Variants in FSTL5 observed in about 807,000 individuals in gnomAD.
FSTL5 encodes follistatin like 5, also known as follistatin-related protein 5.
Under a neutral mutation model 89.1 loss-of-function variants are expected in FSTL5, and 62 were observed. That is an observed-to-expected ratio of 0.70 (90% confidence interval 0.57 to 0.86). The LOEUF (loss-of-function observed/expected upper bound fraction) is 0.86. Among genes scored for constraint, FSTL5 ranks in the 40% least tolerant of loss-of-function variants. The pLI, the probability that FSTL5 is intolerant of heterozygous loss-of-function variation, is 0.00. For missense variants in FSTL5, 1,057 were observed against 1,001.6 expected (o/e 1.06, Z -0.75); for synonymous variants, 383 against 346.2 (o/e 1.11, Z -1.18).
At chr4:161,618,853 T>C (rs1734995233) in intron 7 of FSTL5, among the ~76,000 whole-genome samples, 2 of 152,184 alleles carry the variant, frequency 1.3e-5, no homozygotes, top group African/African-American at 4.8e-5. Flanking sequence ...AAAGTTCATA[T>C]GACACCAAAA....
chr4:161,504,562 G>C (rs754348538), intron 11 of FSTL5, among the ~76,000 whole-genome samples: 1 of 151,510 alleles, frequency 6.6e-6, no homozygotes. Flanking sequence ...ATCTAACAGA[G>C]TATAGTGACT....
At chr4:161,589,057 T>A (rs1264206215) in intron 7 of FSTL5, among the ~76,000 whole-genome samples, 1 of 151,628 alleles carries the variant, frequency 6.6e-6, no homozygotes, top group African/African-American at 2.4e-5. Flanking sequence ...GACATGATCT[T>A]GGCTCACTGC....
rs188564610 is a variant in FSTL5 at position 162,013,953 on chromosome 4, A to C, written c.160+19672T>G. On this transcript the variant is annotated intron_variant, in intron 3 of 15. Transcript: ENST00000306100. ...TGGATTTAAGCAAACTAAGAGCCTC[A>C]TGGATCTCAGAAGCCAAAATGCACT... Among the ~76,000 whole-genome samples the C allele has an allele frequency of 7.9e-4, 120 of 152,296 alleles. 1 individual carries two copies. The highest frequency in any genetic ancestry group is 2.8e-3 in the African/African-American group (118 of 41,576).
chr4:162,143,012 T>G (rs1281184051), intron 1 of FSTL5, among the ~76,000 whole-genome samples: 1 of 152,190 alleles, frequency 6.6e-6, no homozygotes, highest in Non-Finnish European at 1.5e-5. Context: ...AACTACTTCG[T>G]TCTTGGGATA....
intron 3 of FSTL5, among the ~76,000 whole-genome samples, chr4:162,027,056 C>T (rs1737322105): frequency 6.6e-6 from 1 of 152,066 alleles, no homozygotes; most frequent in South Asian, 2.1e-4. Flanking sequence ...TGAATTGAGC[C>T]CTTCTTAGAA....
At chr4:162,123,267 C>T (rs866667666) in intron 1 of FSTL5, among the ~76,000 whole-genome samples, 2 of 152,054 alleles carry the variant, frequency 1.3e-5, no homozygotes, top group South Asian at 2.1e-4. Flanking sequence ...TGAAATGCCA[C>T]GGGGAAAACT....
At chr4:161,599,304 T>A (rs943182596) in intron 7 of FSTL5, among the ~76,000 whole-genome samples, 2 of 152,174 alleles carry the variant, frequency 1.3e-5, no homozygotes, top group African/African-American at 4.8e-5. Context: ...TCCCAAGTGC[T>A]GACTGACATG....
intron 2 of FSTL5, among the ~76,000 whole-genome samples, chr4:162,050,411 T>C (rs1334486580): frequency 6.6e-6 from 1 of 151,114 alleles, no homozygotes; most frequent in Non-Finnish European, 1.5e-5. Context: ...ATAATATAAA[T>C]ATTCTTAGGA....
intron 6 of FSTL5, among the ~76,000 whole-genome samples, chr4:161,744,233 C>T (rs1740118761): frequency 6.6e-6 from 1 of 151,996 alleles, no homozygotes; most frequent in Non-Finnish European, 1.5e-5. Context: ...TTCTCTGAGG[C>T]TCCCGTCCAG....
chr4:161,713,079 A>C (rs771261275), intron 6 of FSTL5, among the ~76,000 whole-genome samples: 2 of 152,182 alleles, frequency 1.3e-5, no homozygotes, highest in African/African-American at 2.4e-5. Flanking sequence ...AGACAAAGTA[A>C]GTGTTCAGAG....
chr4:161,491,087 T>G (rs972577825), intron 12 of FSTL5, among the ~76,000 whole-genome samples: 3 of 151,910 alleles, frequency 2.0e-5, no homozygotes, highest in East Asian at 1.9e-4. Context: ...TATAAAATAT[T>G]ACATTTCATC....
At chr4:162,093,003 T>C (rs1730610275) in intron 2 of FSTL5, among the ~76,000 whole-genome samples, 1 of 146,380 alleles carries the variant, frequency 6.8e-6, no homozygotes, top group South Asian at 2.2e-4. Context: ...CTTCCAGTAG[T>C]AGTATAGGGG....
intron 4 of FSTL5, among the ~76,000 whole-genome samples, chr4:161,820,453 G>A (rs1302880884): frequency 6.6e-6 from 1 of 152,086 alleles, no homozygotes; most frequent in African/African-American, 2.4e-5. Flanking sequence ...AATTTTAATT[G>A]AAAAATATGT....
At chr4:161,405,062 C>T (rs997011483) in intron 15 of FSTL5, among the ~76,000 whole-genome samples, 1 of 151,976 alleles carries the variant, frequency 6.6e-6, no homozygotes, top group Admixed American at 6.6e-5. Context: ...GAAACCCTGT[C>T]TCTACTAAAA....
intron 3 of FSTL5, among the ~76,000 whole-genome samples, chr4:161,980,557 T>C (rs973389537): frequency 1.3e-5 from 2 of 152,042 alleles, no homozygotes; most frequent in Non-Finnish European, 2.9e-5. Flanking sequence ...TCTTCCTTGT[T>C]TTATTCATAT....
rs905999883 is a variant in FSTL5, at chr4:162,091,746, G to A, written c.126+19525C>T. 1.3e-4 allele frequency among the ~76,000 whole-genome samples: 19 copies of A among 151,922 alleles called. 1 individual carries two copies. The East Asian group carries it at 3.3e-3, about 26-fold the overall frequency. On this transcript the variant is annotated intron_variant, in intron 2 of 15. Transcript: ENST00000306100. ...TTCTCTCTCTAATCAATATTGTTGC[G>A]CTATTATTTTCTTTGGTCTTCCAAC...
chr4:161,421,136 T>C (rs1040974349), intron 15 of FSTL5, among the ~76,000 whole-genome samples: 11 of 151,904 alleles, frequency 7.2e-5, no homozygotes, highest in Non-Finnish European at 1.2e-4. Context: ...GGTCAGGAGA[T>C]CGAGACCATC....
intron 2 of FSTL5, among the ~76,000 whole-genome samples, chr4:162,102,014 G>A (rs1360344075): frequency 1.3e-5 from 2 of 152,088 alleles, no homozygotes; most frequent in African/African-American, 2.4e-5. Flanking sequence ...GAGGCCTCTT[G>A]AAAACAACCA....
intron 13 of FSTL5, among the ~76,000 whole-genome samples, chr4:161,461,010 T>C (rs972058498): frequency 3.3e-5 from 5 of 152,138 alleles, no homozygotes; most frequent in African/African-American, 9.7e-5. Context: ...GTATGATGCA[T>C]GATTTCTGAG....
Sources: allele counts gnomAD v4.1 joint callset (sites outside exome capture counted in the v4.1 genomes callset), GRCh38; gene constraint gnomAD v4.1.1; transcripts MANE v1.5; gene names NCBI Gene and HGNC (gene_info 2026-07-23, HGNC 2026-07-21).